The following COL5A2 variants were observed in gnomAD, a reference collection of about 807,000 sequenced individuals.
The protein encoded by COL5A2 is collagen type V alpha 2 chain.
COL5A2 carries 23 observed loss-of-function variants against 208.2 expected under a neutral mutation model. The ratio of observed to expected loss-of-function variants is 0.11; its 90% CI spans 0.08 to 0.16. COL5A2 has a LOEUF of 0.16. Among genes scored for constraint, COL5A2 ranks in the 10% least tolerant of loss-of-function variants. The pLI is 1.00. For synonymous variants in COL5A2, 625 were observed against 628.5 expected, an observed-to-expected ratio of 0.99 and a Z score of 0.08; for missense variants, 1,590 against 1,956.4, an observed-to-expected ratio of 0.81 and a Z score of 3.53.
At chr2:189,282,976 C>T in the COL5A2 span, among the ~76,000 whole-genome samples, 3 of 152,090 alleles carry the variant, frequency 2.0e-5, 1 homozygote, top group South Asian at 6.2e-4. Flanking sequence ...ATATAAAAGA[C>T]TACTATTATA....
At chr2:189,304,389 A>G in the COL5A2 span, among the ~76,000 whole-genome samples, 1 of 152,212 alleles carries the variant, frequency 6.6e-6, no homozygotes, top group African/African-American at 2.4e-5. Context: ...ATAAAGAAAT[A>G]CCTGAGTCCA....
chr2:189,203,921 G>A (rs1166157254), intron 1 of COL5A2, among the ~76,000 whole-genome samples: 1 of 150,466 alleles, frequency 6.6e-6, no homozygotes, highest in African/African-American at 2.4e-5. Context: ...CTTTTGAGAC[G>A]GAGTCTCGCT....
chr2:189,422,675 A>AT, the COL5A2 span, among the ~76,000 whole-genome samples: 2 of 152,136 alleles, frequency 1.3e-5, no homozygotes, highest in Non-Finnish European at 2.9e-5. Context: ...CACATTAAGC[A>AT]TTTTTTCTGA....
the COL5A2 span, among the ~76,000 whole-genome samples, chr2:189,271,813 GA>G: frequency 4.3e-4 from 65 of 152,124 alleles, no homozygotes; most frequent in African/African-American, 1.5e-3. Flanking sequence ...AAATTTACAA[GA>G]AAAAAACAAA....
chr2:189,036,408 A>T (rs1685444513), intron 52 of COL5A2, among the ~76,000 whole-genome samples: 1 of 152,170 alleles, frequency 6.6e-6, no homozygotes, highest in Admixed American at 6.5e-5. Context: ...GAAAATTTTT[A>T]ATTCAAAATT....
intron 1 of COL5A2, among the ~76,000 whole-genome samples, chr2:189,223,912 T>C (rs188365580): frequency 2.7e-4 from 41 of 152,308 alleles, no homozygotes; most frequent in African/African-American, 8.9e-4. Context: ...GTGTGGGTTG[T>C]ACACAAATTA....
intron 1 of COL5A2, among the ~76,000 whole-genome samples, chr2:189,195,501 A>G (rs772356966): frequency 1.3e-5 from 2 of 152,254 alleles, no homozygotes; most frequent in Non-Finnish European, 2.9e-5. Context: ...GAGCTCGTAT[A>G]GCCAAGACAA....
At chr2:189,324,704 T>C in the COL5A2 span, among the ~76,000 whole-genome samples, 2 of 152,182 alleles carry the variant, frequency 1.3e-5, no homozygotes, top group East Asian at 1.9e-4. Context: ...TAGGAACACT[T>C]TTACACTGTT....
Position 189,065,077 on chromosome 2 carries a change from G to T in COL5A2, c.1564-20C>A. 6.2e-7 allele frequency: 1 copy of T among 1,611,350 alleles called. No individual in the cohort carries two copies. Among genetic ancestry groups the T allele is most frequent in the Non-Finnish European group, 8.5e-7 (1 of 1,178,202 alleles). On this transcript the variant is annotated intron_variant, in intron 23 of 53. Coordinates refer to ENST00000374866, the MANE Select transcript of COL5A2 (RefSeq NM_000393.5). ...AGCACCCTACAAATGACCAAAATGT[G>T]ATTCTTAATTGTTGTTGATATTTTT...
At chr2:189,394,570 C>T in the COL5A2 span, among the ~76,000 whole-genome samples, 2 of 152,202 alleles carry the variant, frequency 1.3e-5, no homozygotes, top group South Asian at 4.1e-4. Flanking sequence ...CATACTAGCA[C>T]CCTGATCTCA....
chr2:189,086,825 T>C, intron 8 of COL5A2, 55 bp from the exon 9 acceptor site: 1 of 1,430,638 alleles, frequency 7.0e-7, no homozygotes, highest in Non-Finnish European at 9.7e-7. Context: ...TTAGGTCAAA[T>C]ATTTCAAAAA....
chr2:189,122,468 A>G (rs1474262034), intron 1 of COL5A2, among the ~76,000 whole-genome samples: 3 of 152,176 alleles, frequency 2.0e-5, no homozygotes, highest in Non-Finnish European at 4.4e-5. Context: ...TATCAAAAAA[A>G]GGAGGTGATG....
chr2:189,220,413 T>C (rs1689334054), intron 1 of COL5A2, among the ~76,000 whole-genome samples: 2 of 152,058 alleles, frequency 1.3e-5, no homozygotes, highest in African/African-American at 4.8e-5. Flanking sequence ...AACTGTTTCT[T>C]CAGAATTATT....
At chr2:189,257,083 T>C in the COL5A2 span, among the ~76,000 whole-genome samples, 1 of 152,228 alleles carries the variant, frequency 6.6e-6, no homozygotes. Context: ...TATCCACTTA[T>C]CTGTGATCTA....
intron 31 of COL5A2, among the ~76,000 whole-genome samples, chr2:189,059,584 G>GTTTT (rs1559083852): frequency 4.7e-5 from 1 of 21,230 alleles, no homozygotes; most frequent in South Asian, 2.0e-3. Flanking sequence ...TTTCTTTTCT[G>GTTTT]GTTTTTTTTT....
intron 33 of COL5A2, 98 bp from the exon 34 acceptor site, chr2:189,057,525 A>G: frequency 1.2e-6 from 1 of 854,164 alleles, no homozygotes; most frequent in Middle Eastern, 2.5e-4. Context: ...CAGCAATTTC[A>G]TGTAGTTCAA....
At chr2:189,320,750 T>C in the COL5A2 span, among the ~76,000 whole-genome samples, 1 of 152,208 alleles carries the variant, frequency 6.6e-6, no homozygotes, top group Non-Finnish European at 1.5e-5. Flanking sequence ...CTTCAGGTTA[T>C]TATCCAGGAG....
intron 3 of COL5A2, among the ~76,000 whole-genome samples, chr2:189,102,740 G>A (rs7424845): frequency 0.13 from 19,994 of 152,026 alleles, 1,343 homozygotes; most frequent in Middle Eastern, 0.19. Context: ...AATTATGTTG[G>A]AGTTAACATG....
rs565751511 is a variant in COL5A2 at position 189,032,778 on chromosome 2, T to C, written c.*1292A>G. On this transcript the variant is annotated 3_prime_UTR_variant, in exon 54 of 54. Coordinates refer to ENST00000374866, the MANE Select transcript of COL5A2 (RefSeq NM_000393.5). ...CAGTGAACAAGCATTGGAACGATGC[T>C]CTTTCTTTCAGAAACGGGAAGTCTA... is the stretch of plus-strand genomic sequence containing the variant. 1 of 152,732 alleles carries C rather than the reference T, an allele frequency of 6.5e-6. No homozygotes were observed. Among genetic ancestry groups the C allele is most frequent in the African/African-American group, 2.4e-5 (1 of 41,580 alleles). 9.5% of individuals were successfully genotyped at this position (152,732 alleles called of 1,614,324 possible). A position where few individuals can be genotyped will look rare whatever the true frequency, so the allele number is the denominator to read the frequency against.
Sources: allele counts gnomAD v4.1 joint callset (sites outside exome capture counted in the v4.1 genomes callset), GRCh38; gene constraint gnomAD v4.1.1; transcripts MANE v1.5; gene names NCBI Gene and HGNC (gene_info 2026-07-23, HGNC 2026-07-21).